RERE: variants seen among roughly 807,000 people sequenced by gnomAD.
RERE encodes arginine-glutamic acid dipeptide repeats, also known as arginine-glutamic acid dipeptide repeats protein.
RERE carries 40 observed loss-of-function variants against 146.1 expected under a neutral mutation model. That is an observed-to-expected ratio of 0.27 (90% CI 0.21 to 0.36). The LOEUF (loss-of-function observed/expected upper bound fraction) is 0.36. Among genes scored for constraint, RERE ranks in the 10% least tolerant of loss-of-function variants. The probability of loss-of-function intolerance (pLI) is 1.00; values close to 1 mark genes in which losing one functional copy is unlikely to be tolerated. For missense variants in RERE, 1,933 were observed against 2,138.7 expected, an observed-to-expected ratio of 0.90 and a Z score of 1.90; for synonymous variants, 1,003 against 866.0, an observed-to-expected ratio of 1.16 and a Z score of -2.78.
chr1:8,635,963 T>C (rs917504223), intron 2 of RERE, among the ~76,000 whole-genome samples: 1 of 145,472 alleles, frequency 6.9e-6, no homozygotes, highest in Non-Finnish European at 1.5e-5. Context: ...TTATCTTATC[T>C]TATCTTATCT....
chr1:8,388,873 C>T (rs1038453353), intron 12 of RERE, among the ~76,000 whole-genome samples: 3 of 152,162 alleles, frequency 2.0e-5, no homozygotes, highest in African/African-American at 7.2e-5. Context: ...ACTTCTCTTC[C>T]ACCTGACCTC....
chr1:8,612,321 T>C (rs1241727035), intron 4 of RERE, among the ~76,000 whole-genome samples: 1 of 152,170 alleles, frequency 6.6e-6, no homozygotes, highest in Non-Finnish European at 1.5e-5. Flanking sequence ...ACTCCACATA[T>C]GGGGAAGCTT....
intron 4 of RERE, among the ~76,000 whole-genome samples, chr1:8,578,335 T>C (rs371668133): frequency 6.6e-6 from 1 of 152,300 alleles, no homozygotes; most frequent in East Asian, 1.9e-4. Context: ...TTTCTATTGC[T>C]GCACTGCACA....
chr1:8,393,623 G>A (rs556382247), intron 12 of RERE, among the ~76,000 whole-genome samples: 12 of 152,248 alleles, frequency 7.9e-5, no homozygotes, highest in Middle Eastern at 3.4e-3. Flanking sequence ...GGACCCAAGC[G>A]CAGGCAAGGT....
intron 1 of RERE, among the ~76,000 whole-genome samples, chr1:8,678,979 T>A (rs1041744428): frequency 7.9e-5 from 12 of 152,188 alleles, no homozygotes; most frequent in Admixed American, 4.6e-4. Flanking sequence ...TTAAATAAAA[T>A]TTTTAAAATG....
intron 11 of RERE, among the ~76,000 whole-genome samples, chr1:8,437,682 T>C (rs1159084883): frequency 1.3e-5 from 2 of 152,154 alleles, no homozygotes; most frequent in African/African-American, 2.4e-5. Context: ...GTGTGTAAAT[T>C]ACACACACAA....
Position 8,802,194 on chromosome 1 carries a change from G to A in RERE, c.-145+14966C>T, listed in dbSNP as rs142066215. Among the ~76,000 whole-genome samples the A allele has an allele frequency of 2.1e-3, 323 of 152,204 alleles. 2 individuals carry two copies. Among genetic ancestry groups the A allele is most frequent in the Non-Finnish European group, 1.6e-3 (107 of 68,008 alleles). The stretch of plus-strand genomic sequence containing the variant: ...GCTATGATCCCAACCTATCTTTCCA[G>A]TGCTCTATGGTTCTGGCCAAACCAG... On this transcript the variant is annotated intron_variant, in intron 1 of 22. Coordinates refer to ENST00000400908, the MANE Select transcript of RERE (RefSeq NM_001042681.2).
chr1:8,553,667 GA>G (rs1237013772), intron 6 of RERE, among the ~76,000 whole-genome samples: 47 of 151,166 alleles, frequency 3.1e-4, no homozygotes, highest in Admixed American at 2.6e-3. Flanking sequence ...CACCACAGGA[GA>G]AAAAAAAACT....
chr1:8,409,820 G>A (rs547223387), intron 12 of RERE, among the ~76,000 whole-genome samples: 2 of 152,224 alleles, frequency 1.3e-5, no homozygotes, highest in South Asian at 4.1e-4. Flanking sequence ...CATGATCAAA[G>A]CTAATGGTCC....
chr1:8,687,085 AG>A (rs1462040654), intron 1 of RERE, among the ~76,000 whole-genome samples: 1 of 152,216 alleles, frequency 6.6e-6, no homozygotes, highest in African/African-American at 2.4e-5. Flanking sequence ...TAGCTGGCAG[AG>A]TAAGTGGGAT....
At chr1:8,444,832 T>C (rs1644296829) in intron 11 of RERE, among the ~76,000 whole-genome samples, 1 of 152,016 alleles carries the variant, frequency 6.6e-6, no homozygotes, top group East Asian at 1.9e-4. Flanking sequence ...AAAAGCTCCC[T>C]GAGGCCTCCC....
chr1:8,439,416 A>G (rs1644215944), intron 11 of RERE, among the ~76,000 whole-genome samples: 1 of 152,266 alleles, frequency 6.6e-6, no homozygotes, highest in Non-Finnish European at 1.5e-5. Flanking sequence ...GCTTCAAGTC[A>G]GGAGAGCTGG....
At chr1:8,595,952 C>T (rs1646551093) in intron 4 of RERE, among the ~76,000 whole-genome samples, 1 of 152,152 alleles carries the variant, frequency 6.6e-6, no homozygotes, top group Non-Finnish European at 1.5e-5. Flanking sequence ...GCACTAATCC[C>T]CAAAAGTTTA....
chr1:8,595,344 A>G (rs537773435), intron 4 of RERE, among the ~76,000 whole-genome samples: 2 of 152,180 alleles, frequency 1.3e-5, no homozygotes, highest in African/African-American at 4.8e-5. Flanking sequence ...CAGAAAAGTT[A>G]TATTTATCAT....
intron 11 of RERE, among the ~76,000 whole-genome samples, chr1:8,448,616 G>T (rs1432293323): frequency 1.3e-5 from 2 of 152,030 alleles, no homozygotes; most frequent in Non-Finnish European, 1.5e-5. Context: ...AATTAGCTGG[G>T]CATGGTGGCT....
At chr1:8,396,362 A>G (rs1643055489) in intron 12 of RERE, among the ~76,000 whole-genome samples, 1 of 152,182 alleles carries the variant, frequency 6.6e-6, no homozygotes, top group Non-Finnish European at 1.5e-5. Context: ...ACTCACATAC[A>G]AAGTACCTGC....
intron 12 of RERE, among the ~76,000 whole-genome samples, chr1:8,418,330 TAAAA>T (rs1433765224): frequency 6.6e-6 from 1 of 152,116 alleles, no homozygotes; most frequent in African/African-American, 2.4e-5. Flanking sequence ...TGCTCAAAAA[TAAAA>T]AGAAAGAGAC....
At chr1:8,419,106 T>C (rs1023380109) in intron 12 of RERE, among the ~76,000 whole-genome samples, 2 of 152,074 alleles carry the variant, frequency 1.3e-5, no homozygotes, top group Non-Finnish European at 2.9e-5. Context: ...TATAAGCATA[T>C]TGAGGGGAGG....
intron 12 of RERE, among the ~76,000 whole-genome samples, chr1:8,407,810 T>C (rs1643492208): frequency 6.6e-6 from 1 of 152,202 alleles, no homozygotes; most frequent in Non-Finnish European, 1.5e-5. Context: ...CACTTCTTTC[T>C]TTTGAAACAG....
Sources: allele counts gnomAD v4.1 joint callset (sites outside exome capture counted in the v4.1 genomes callset), GRCh38; gene constraint gnomAD v4.1.1; transcripts MANE v1.5; gene names NCBI Gene and HGNC (gene_info 2026-07-23, HGNC 2026-07-21).